The following SPIDR variants were observed in gnomAD, a reference collection of about 807,000 sequenced individuals.
SPIDR encodes DNA repair-scaffolding protein.
SPIDR carries 93 observed loss-of-function variants against 104.6 expected under a neutral mutation model. The observed-to-expected ratio is 0.89, with a 90% confidence interval of 0.75 to 1.06. The LOEUF (loss-of-function observed/expected upper bound fraction) is 1.06, where lower values mean the gene tolerates loss of function less well. Among genes scored for constraint, SPIDR ranks in the 50% least tolerant of loss-of-function variants. The pLI is 0.00. For missense variants in SPIDR, 1,154 were observed against 1,111.2 expected, an observed-to-expected ratio of 1.04 and a Z score of -0.55; for synonymous variants, 431 against 416.9, an observed-to-expected ratio of 1.03 and a Z score of -0.41.
intron 16 of SPIDR, among the ~76,000 whole-genome samples, chr8:47,718,557 T>C (rs1036154321): frequency 2.6e-5 from 4 of 152,036 alleles, no homozygotes; most frequent in Admixed American, 6.6e-5. Flanking sequence ...CTCCTTTTTA[T>C]TTTTTTAACA....
chr8:47,278,096 CTTT>C (rs71225674), intron 1 of SPIDR, among the ~76,000 whole-genome samples: 2 of 137,266 alleles, frequency 1.5e-5, no homozygotes, highest in East Asian at 2.1e-4. Flanking sequence ...TTTTCTTTCT[CTTT>C]TTTTTTTTTT....
At position 47,412,047 on chromosome 8, in the gene SPIDR, T is replaced by G. The variant is rs1203055410; in HGVS notation, c.877+4086T>G. On this transcript the variant is annotated intron_variant, in intron 7 of 19. Transcript: ENST00000297423. ...TTTGGTACCAGTACCATGGTGTTTTTGTTACTGTAGCCTTGTAGCATAGTT... is the reference window on the plus strand; with the variant it reads ...TTTGGTACCAGTACCATGGTGTTTTGGTTACTGTAGCCTTGTAGCATAGTT... Among the ~76,000 whole-genome samples, 11 of 152,138 alleles carry G rather than the reference T, an allele frequency of 7.2e-5. No homozygotes were observed. In the South Asian group the frequency reaches 8.3e-4, roughly 11 times the overall value.
At chr8:47,708,589 T>G in intron 14 of SPIDR, among the ~76,000 whole-genome samples, 1 of 152,178 alleles carries the variant, frequency 6.6e-6, no homozygotes, top group Non-Finnish European at 1.5e-5. Flanking sequence ...TTTATGGGTT[T>G]GCACAAATAT....
intron 7 of SPIDR, among the ~76,000 whole-genome samples, chr8:47,438,508 A>G (rs560680032): frequency 7.2e-5 from 11 of 152,284 alleles, no homozygotes; most frequent in Admixed American, 4.6e-4. Flanking sequence ...CAGTTTACCA[A>G]TTGAAGATGA....
chr8:47,396,617 A>C lies in SPIDR; in HGVS notation c.767A>C (p.Lys256Thr), dbSNP rs1563841890. The C allele has an allele frequency of 1.9e-6, 3 of 1,612,566 alleles. No homozygotes were observed. Among genetic ancestry groups the C allele is most frequent in the African/African-American group, 1.3e-5 (1 of 74,782 alleles). The change falls in exon 6 of 20, where the codon AAG becomes ACG. Residue 256 changes from lysine to threonine, a missense_variant. By Grantham distance (78) the Lys-to-Thr change is moderately conservative. Transcript: ENST00000297423. Reference protein sequence around the residue: ...PRTPENSAKKKLLRGGLAERL... With the variant: ...PRTPENSAKKTLLRGGLAERL... ...ACTCCAGAAAATTCAGCAAAGAAGA[A>C]GCTTTTAAGGTTAAATTATACCCTT...
chr8:47,504,978 A>G (rs1387494070), intron 8 of SPIDR, among the ~76,000 whole-genome samples: 1 of 152,122 alleles, frequency 6.6e-6, no homozygotes, highest in Non-Finnish European at 1.5e-5. Context: ...TTGCTGCCTG[A>G]TCGTTTCTCT....
intron 8 of SPIDR, among the ~76,000 whole-genome samples, chr8:47,533,860 GA>G (rs1394436143): frequency 6.6e-6 from 1 of 152,234 alleles, no homozygotes; most frequent in Non-Finnish European, 1.5e-5. Context: ...GCAGTATGGT[GA>G]TTCCTCAAGG....
rs111435589 is a variant in SPIDR, at chr8:47,533,682, A to C, written c.1098-62129A>C. Among the ~76,000 whole-genome samples, 477 of 152,332 alleles carry C rather than the reference A, an allele frequency of 3.1e-3. 2 individuals carry two copies. Among genetic ancestry groups the C allele is most frequent in the African/African-American group, 0.011 (460 of 41,578 alleles). ...GGGAAAAAAAACCTCAACATCACTG[A>C]TCATTAGAGAAATGCAAATCAAAAC... On this transcript the variant is annotated intron_variant, in intron 8 of 19. Coordinates refer to ENST00000297423, the MANE Select transcript of SPIDR (RefSeq NM_001080394.4).
chr8:47,371,230 G>C (rs1374931815), intron 5 of SPIDR, among the ~76,000 whole-genome samples: 1 of 151,458 alleles, frequency 6.6e-6, no homozygotes, highest in Non-Finnish European at 1.5e-5. Flanking sequence ...TGTCTTTCCA[G>C]GTGAAATGTG....
At chr8:47,720,563 T>C in intron 16 of SPIDR, among the ~76,000 whole-genome samples, 1 of 152,234 alleles carries the variant, frequency 6.6e-6, no homozygotes, top group East Asian at 1.9e-4. Context: ...TGCAATTCCT[T>C]AATGACATAT....
At chr8:47,330,430 A>G (rs2154267627) in intron 5 of SPIDR, among the ~76,000 whole-genome samples, 1 of 152,326 alleles carries the variant, frequency 6.6e-6, no homozygotes, top group African/African-American at 2.4e-5. Context: ...GTGAGTTTGA[A>G]CAAATGTATA....
At chr8:47,547,014 C>T in intron 8 of SPIDR, 1 of 497,858 alleles carries the variant, frequency 2.0e-6, no homozygotes, top group Non-Finnish European at 3.9e-6. Flanking sequence ...GGTAATGACA[C>T]CAGTTCTTCC....
chr8:47,297,712 G>GT (rs1240149155), intron 5 of SPIDR, among the ~76,000 whole-genome samples: 58 of 152,154 alleles, frequency 3.8e-4, no homozygotes, highest in Admixed American at 3.8e-3. Context: ...GCGCTGTTTG[G>GT]TTTTTTGTCC....
At position 47,295,102 on chromosome 8, in the gene SPIDR, T is replaced by C. The variant is rs1008150088; in HGVS notation, c.525+1072T>C. ...TCTGCAGCTAATACTATCCAGTGTA[T>C]TGGTCATCTCTGACATTGTATTTTT... On this transcript the variant is annotated intron_variant, in intron 5 of 19. Coordinates refer to ENST00000297423, the MANE Select transcript of SPIDR (RefSeq NM_001080394.4). Among the ~76,000 whole-genome samples the C allele has an allele frequency of 5.4e-4, 83 of 152,328 alleles. 1 individual carries two copies. Among genetic ancestry groups the C allele is most frequent in the African/African-American group, 1.9e-3 (77 of 41,578 alleles).
At chr8:47,581,539 C>T (rs1250715062) in intron 8 of SPIDR, among the ~76,000 whole-genome samples, 1 of 152,124 alleles carries the variant, frequency 6.6e-6, no homozygotes, top group Non-Finnish European at 1.5e-5. Context: ...CTGTATAAGG[C>T]GCTCCAGCAT....
intron 14 of SPIDR, among the ~76,000 whole-genome samples, chr8:47,711,885 A>C (rs967979110): frequency 1.3e-5 from 2 of 152,060 alleles, no homozygotes; most frequent in East Asian, 3.9e-4. Flanking sequence ...CTTCACCCCA[A>C]CCCTCAGCTA....
intron 7 of SPIDR, among the ~76,000 whole-genome samples, chr8:47,421,259 G>T (rs1183005472): frequency 6.6e-6 from 1 of 152,240 alleles, no homozygotes; most frequent in African/African-American, 2.4e-5. Context: ...ATCAGACGTA[G>T]ATTTGGTCTT....
chr8:47,425,821 C>T (rs1372202415), intron 7 of SPIDR, among the ~76,000 whole-genome samples: 1 of 151,838 alleles, frequency 6.6e-6, no homozygotes, highest in Non-Finnish European at 1.5e-5. Flanking sequence ...TTAGGAGTAC[C>T]TTTGTCATGT....
intron 8 of SPIDR, among the ~76,000 whole-genome samples, chr8:47,582,955 T>C (rs1188773279): frequency 6.6e-6 from 1 of 151,998 alleles, no homozygotes; most frequent in African/African-American, 2.4e-5. Context: ...CACTTAGACT[T>C]CACTGAAGAC....
Sources: gnomAD v4.1 joint callset for allele counts (sites outside exome capture counted in the v4.1 genomes callset) on GRCh38, gnomAD v4.1.1 for gene constraint, MANE v1.5 for transcripts, NCBI Gene and HGNC (gene_info 2026-07-23, HGNC 2026-07-21) for gene names.